The following LCLAT1 variants were observed in gnomAD, a reference collection of about 807,000 sequenced individuals.
LCLAT1 encodes 1-AGP acyltransferase 8.
In LCLAT1, 11 loss-of-function variants were observed where a neutral mutation model predicts 30.7. The observed-to-expected ratio is 0.36, with a 90% confidence interval of 0.23 to 0.59. LCLAT1 has a LOEUF of 0.59. LCLAT1 is among the 20% of genes least tolerant of loss of function. The pLI is 0.77. For missense variants in LCLAT1, 402 were observed against 458.6 expected (o/e 0.88, Z 1.13); for synonymous variants, 155 against 151.3 (o/e 1.02, Z -0.18).
chr2:30,607,961 TAGAA>T (rs1259665855), intron 5 of LCLAT1: 13 of 173,682 alleles, frequency 7.5e-5, no homozygotes, highest in South Asian at 3.6e-4. Flanking sequence ...GGAATCAGGA[TAGAA>T]AGAAAGTCTT....
At chr2:30,638,891 C>CT (rs1638788276) in intron 5 of LCLAT1, among the ~76,000 whole-genome samples, 1 of 104,118 alleles carries the variant, frequency 9.6e-6, no homozygotes, top group African/African-American at 3.3e-5. Flanking sequence ...TTGGACATGT[C>CT]TTTTTTGGCC....
At chr2:30,559,348 C>T (rs1229679267) in intron 3 of LCLAT1, among the ~76,000 whole-genome samples, 1 of 152,160 alleles carries the variant, frequency 6.6e-6, no homozygotes, top group Non-Finnish European at 1.5e-5. Flanking sequence ...AGTTATACCT[C>T]TATAAAAATG....
chr2:30,515,952 A>G lies in LCLAT1; in HGVS notation c.-4-9635A>G, dbSNP rs368901172. Among the ~76,000 whole-genome samples, 10 of 152,264 alleles carry G rather than the reference A, an allele frequency of 6.6e-5. No individual in the cohort carries two copies. In the South Asian group the frequency reaches 1.9e-3, roughly 28 times the overall value. On this transcript the variant is annotated intron_variant, in intron 1 of 5. Coordinates refer to ENST00000379509, the MANE Select transcript of LCLAT1 (RefSeq NM_001002257.3). Reference sequence around the variant, plus strand: ...TTACGTTAGGTATTGAGGGATAGTAATGAGAGACAGGACTAGCTGGATTTC... The same window carrying G: ...TTACGTTAGGTATTGAGGGATAGTAGTGAGAGACAGGACTAGCTGGATTTC...
At chr2:30,584,967 A>C (rs1036534420) in intron 5 of LCLAT1, among the ~76,000 whole-genome samples, 4 of 119,078 alleles carry the variant, frequency 3.4e-5, no homozygotes, top group Non-Finnish European at 7.2e-5. Context: ...AAAAAAAAAA[A>C]CCCTCTAGGC....
At chr2:30,584,925 G>A (rs902042593) in intron 5 of LCLAT1, among the ~76,000 whole-genome samples, 1 of 130,144 alleles carries the variant, frequency 7.7e-6, no homozygotes, top group Non-Finnish European at 1.6e-5. Context: ...GCCCTGATAA[G>A]GAACCAATAT....
intron 1 of LCLAT1, among the ~76,000 whole-genome samples, chr2:30,468,761 A>C (rs530704977): frequency 3.9e-5 from 6 of 152,198 alleles, no homozygotes; most frequent in Non-Finnish European, 7.3e-5. Context: ...TGAATATTTC[A>C]TATAAATGAA....
At chr2:30,637,235 G>C (rs1041765296) in intron 5 of LCLAT1, among the ~76,000 whole-genome samples, 11 of 152,102 alleles carry the variant, frequency 7.2e-5, no homozygotes, top group African/African-American at 2.4e-4. Flanking sequence ...TCTGCAGATA[G>C]AGAGTGCTCT....
At chr2:30,494,835 T>G (rs1684023337) in intron 1 of LCLAT1, among the ~76,000 whole-genome samples, 1 of 151,900 alleles carries the variant, frequency 6.6e-6, no homozygotes, top group Non-Finnish European at 1.5e-5. Context: ...AATTTTTTTT[T>G]TTTTGAAATT....
At chr2:30,585,640 T>C (rs953463534) in intron 5 of LCLAT1, among the ~76,000 whole-genome samples, 2 of 152,230 alleles carry the variant, frequency 1.3e-5, no homozygotes, top group Non-Finnish European at 2.9e-5. Flanking sequence ...AATACCCTTA[T>C]GCTTTTTCCC....
intron 1 of LCLAT1, chr2:30,476,698 G>T (rs375182397): frequency 3.2e-6 from 1 of 315,160 alleles, no homozygotes; most frequent in African/African-American, 2.2e-5. Context: ...AATAAAGTAC[G>T]CAATAAATGT....
intron 1 of LCLAT1, among the ~76,000 whole-genome samples, chr2:30,498,729 T>C (rs1684231347): frequency 6.6e-6 from 1 of 152,216 alleles, no homozygotes; most frequent in Admixed American, 6.5e-5. Context: ...AACCACCTTA[T>C]AGAGTTGTGA....
intron 5 of LCLAT1, among the ~76,000 whole-genome samples, chr2:30,589,550 C>G (rs756637792): frequency 6.6e-6 from 1 of 151,940 alleles, no homozygotes; most frequent in East Asian, 1.9e-4. Context: ...ATTAGACATA[C>G]AACAGAGTAA....
intron 1 of LCLAT1, among the ~76,000 whole-genome samples, chr2:30,518,117 A>T (rs1032634878): frequency 2.0e-5 from 3 of 152,244 alleles, no homozygotes; most frequent in African/African-American, 7.2e-5. Flanking sequence ...ACCCTAAGTA[A>T]AAAAGGCAAA....
chr2:30,463,575 G>A (rs1682275860), intron 1 of LCLAT1, among the ~76,000 whole-genome samples: 1 of 152,140 alleles, frequency 6.6e-6, no homozygotes, highest in South Asian at 2.1e-4. Flanking sequence ...CCTCTGCACT[G>A]AACATGTACA....
intron 5 of LCLAT1, among the ~76,000 whole-genome samples, chr2:30,601,864 T>G (rs999745897): frequency 7.3e-6 from 1 of 137,666 alleles, no homozygotes; most frequent in Non-Finnish European, 1.7e-5. Context: ...AAGGATCCTA[T>G]AGATATCTAT....
chr2:30,479,256 G>T (rs1223156043), intron 1 of LCLAT1, among the ~76,000 whole-genome samples: 1 of 151,696 alleles, frequency 6.6e-6, no homozygotes, highest in Non-Finnish European at 1.5e-5. Flanking sequence ...TTGGGACAGG[G>T]TCTCATTCAG....
intron 3 of LCLAT1, among the ~76,000 whole-genome samples, chr2:30,553,830 A>G (rs1484262988): frequency 6.6e-6 from 1 of 152,270 alleles, no homozygotes; most frequent in Non-Finnish European, 1.5e-5. Context: ...TCAAAAAAAA[A>G]AAAGACAAAT....
chr2:30,514,949 C>T (rs1685113814), intron 1 of LCLAT1, among the ~76,000 whole-genome samples: 1 of 152,218 alleles, frequency 6.6e-6, no homozygotes, highest in Admixed American at 6.5e-5. Context: ...TCCTCCACCC[C>T]TAGTGACCTG....
At chr2:30,479,001 A>C (rs1683189945) in intron 1 of LCLAT1, among the ~76,000 whole-genome samples, 1 of 152,132 alleles carries the variant, frequency 6.6e-6, no homozygotes, top group Non-Finnish European at 1.5e-5. Flanking sequence ...TCATCTACAA[A>C]ATAAGAATGT....
Sources: allele counts gnomAD v4.1 joint callset (sites outside exome capture counted in the v4.1 genomes callset), GRCh38; gene constraint gnomAD v4.1.1; transcripts MANE v1.5; gene names NCBI Gene and HGNC (gene_info 2026-07-23, HGNC 2026-07-21).